HSD17B13: variants seen among roughly 807,000 people sequenced by gnomAD.
The protein encoded by HSD17B13 is hydroxysteroid 17-beta dehydrogenase 13.
HSD17B13 carries 26 observed loss-of-function variants against 31.1 expected under a neutral mutation model. The ratio of observed to expected loss-of-function variants is 0.84; its 90% CI spans 0.61 to 1.16. HSD17B13 has a LOEUF of 1.16. Among genes scored for constraint, HSD17B13 ranks in the 50% most tolerant of loss-of-function variants. HSD17B13 has a pLI of 0.00. For synonymous variants in HSD17B13, 141 were observed against 133.7 expected (o/e 1.05, Z -0.38); for missense variants, 374 against 366.5 (o/e 1.02, Z -0.17).
intron 6 of HSD17B13, among the ~76,000 whole-genome samples, chr4:87,307,060 T>C (rs780376869): frequency 6.6e-6 from 1 of 151,332 alleles, no homozygotes; most frequent in Non-Finnish European, 1.5e-5. Context: ...GGTAGGTGGG[T>C]GAAAGATGGA....
intron 6 of HSD17B13, among the ~76,000 whole-genome samples, 175 bp downstream of exon 6, chr4:87,310,068 G>A (rs891135920): frequency 3.9e-5 from 6 of 151,978 alleles, no homozygotes; most frequent in African/African-American, 1.5e-4. Flanking sequence ...GGGGGTCTGA[G>A]GCATGAGAAT....
intron 2 of HSD17B13, 116 bp downstream of exon 2, chr4:87,318,213 A>G: frequency 1.4e-6 from 1 of 737,144 alleles, no homozygotes; most frequent in Non-Finnish European, 2.4e-6. Flanking sequence ...TAACTACTTC[A>G]GTTAGCAGCT....
At chr4:87,316,317 G>A (rs1280604795) in intron 3 of HSD17B13, among the ~76,000 whole-genome samples, 2 of 152,140 alleles carry the variant, frequency 1.3e-5, no homozygotes, top group African/African-American at 4.8e-5. Context: ...TGTATAATTT[G>A]TTATGCAGCT....
intron 6 of HSD17B13, among the ~76,000 whole-genome samples, chr4:87,306,006 T>C (rs1006910871): frequency 2.6e-5 from 4 of 152,230 alleles, no homozygotes; most frequent in African/African-American, 9.7e-5. Flanking sequence ...TCATGATTTA[T>C]GTTTTACTGA....
chr4:87,320,822 A>G (rs1237126012), intron 1 of HSD17B13, among the ~76,000 whole-genome samples: 3 of 152,202 alleles, frequency 2.0e-5, no homozygotes, highest in Non-Finnish European at 4.4e-5. Flanking sequence ...TTTAGATTGC[A>G]TAAGAGCCAA....
At chr4:87,322,536 AC>A (rs200147301) in intron 1 of HSD17B13, 95 bp downstream of exon 1, 1 of 1,007,804 alleles carries the variant, frequency 9.9e-7, no homozygotes, top group South Asian at 1.5e-5. Context: ...ACTTTGAAAA[AC>A]AAAAATACAA....
chr4:87,305,450 C>T (rs959554700), intron 6 of HSD17B13, 142 bp from the exon 7 acceptor site: 4 of 479,394 alleles, frequency 8.3e-6, no homozygotes, highest in African/African-American at 2.0e-5. Context: ...CTCTTGCAAC[C>T]ACCTCTCTTT....
At chr4:87,305,438 T>G (rs1035622342) in intron 6 of HSD17B13, 130 bp from the exon 7 acceptor site, 63 of 493,944 alleles carry the variant, frequency 1.3e-4, no homozygotes, top group Non-Finnish European at 2.1e-5. Flanking sequence ...CGTTCTTTTC[T>G]TCTCTTGCAA....
intron 6 of HSD17B13, 56 bp downstream of exon 6, chr4:87,310,183 AAAGC>A: frequency 7.3e-7 from 1 of 1,362,138 alleles, no homozygotes; most frequent in Non-Finnish European, 9.6e-7. Context: ...AAAAAAAAAA[AAAGC>A]AAAAAAAAAA....
intron 5 of HSD17B13, 35 bp from the exon 6 acceptor site, chr4:87,310,394 T>C (rs1734507270): frequency 2.3e-6 from 3 of 1,326,674 alleles, no homozygotes; most frequent in Admixed American, 6.7e-5. Flanking sequence ...TATTTTTATT[T>C]TCTAAAATTT....
intron 5 of HSD17B13, among the ~76,000 whole-genome samples, chr4:87,313,109 G>A (rs527599637): frequency 2.6e-5 from 4 of 151,788 alleles, no homozygotes; most frequent in Admixed American, 6.6e-5. Context: ...TTAGTCAACA[G>A]TACCTATGGT....
intron 1 of HSD17B13, among the ~76,000 whole-genome samples, chr4:87,321,031 C>CT (rs1165870698): frequency 6.6e-6 from 1 of 151,972 alleles, no homozygotes; most frequent in East Asian, 1.9e-4. Context: ...TTTCTTAAGT[C>CT]TTTTTTTATT....
In HSD17B13 at chr4:87,304,892, T is replaced by C. The variant is rs961153522; in HGVS notation, c.*326A>G. ...CCTTCCCTGTGTAAATAAGTTCTCTTTGTATTTACTTTTAGGGAGGTAGCT... is the reference window on the plus strand; with the variant it reads ...CCTTCCCTGTGTAAATAAGTTCTCTCTGTATTTACTTTTAGGGAGGTAGCT... On this transcript the variant is annotated 3_prime_UTR_variant, in exon 7 of 7. Coordinates refer to ENST00000328546, the MANE Select transcript of HSD17B13 (RefSeq NM_178135.5). 5.6e-6 allele frequency: 1 copy of C among 179,888 alleles called. No homozygotes were observed. Among genetic ancestry groups the C allele is most frequent in the Non-Finnish European group, 1.2e-5 (1 of 86,886 alleles). 11.1% of individuals were successfully genotyped at this position (179,888 alleles called of 1,614,324 possible).
intron 3 of HSD17B13, among the ~76,000 whole-genome samples, chr4:87,316,636 C>T (rs564611771): frequency 6.6e-6 from 1 of 152,290 alleles, no homozygotes; most frequent in Admixed American, 6.5e-5. Context: ...CTCAGAGTCT[C>T]GTCCAAAAGT....
intron 6 of HSD17B13, among the ~76,000 whole-genome samples, chr4:87,308,934 A>G (rs1734459705): frequency 6.7e-6 from 1 of 148,944 alleles, no homozygotes; most frequent in African/African-American, 2.5e-5. Context: ...GAATCTACCA[A>G]AAAAAAAAAA....
In HSD17B13 at chr4:87,318,311, G is replaced by C. The variant is rs781624564; in HGVS notation, c.318+18C>G. 2 of 1,563,024 alleles carry C rather than the reference G, an allele frequency of 1.3e-6. No individual in the cohort carries two copies. The highest frequency in any genetic ancestry group is 3.3e-5 in the Admixed American group (2 of 59,902). On this transcript the variant is annotated intron_variant, in intron 2 of 6. Coordinates refer to ENST00000328546, the MANE Select transcript of HSD17B13 (RefSeq NM_178135.5). The stretch of plus-strand genomic sequence containing the variant: ...GAAACAAAATAATCTGAAGAAATTT[G>C]TGAACCTGCAGTCTCACCTGATTTA...
chr4:87,305,754 T>C (rs1027480968), intron 6 of HSD17B13, among the ~76,000 whole-genome samples: 19 of 152,084 alleles, frequency 1.2e-4, no homozygotes, highest in African/African-American at 4.1e-4. Context: ...CAAACACTAT[T>C]TTGTCAGGCT....
At chr4:87,308,607 G>A (rs1734449441) in intron 6 of HSD17B13, among the ~76,000 whole-genome samples, 1 of 145,030 alleles carries the variant, frequency 6.9e-6, no homozygotes, top group Admixed American at 7.2e-5. Flanking sequence ...CATGAACCCA[G>A]AAGGCGGAGC....
At chr4:87,318,526 G>T (rs1005497463) in intron 1 of HSD17B13, 90 bp from the exon 2 acceptor site, 25 of 1,061,022 alleles carry the variant, frequency 2.4e-5, no homozygotes, top group African/African-American at 4.7e-5. Context: ...TCGGCTAGGC[G>T]CGGTGGCTCA....
Sources: gnomAD v4.1 joint callset for allele counts (sites outside exome capture counted in the v4.1 genomes callset) on GRCh38, gnomAD v4.1.1 for gene constraint, MANE v1.5 for transcripts, NCBI Gene and HGNC (gene_info 2026-07-23, HGNC 2026-07-21) for gene names.